GABBR1: variants seen among roughly 807,000 people sequenced by gnomAD.
The protein encoded by GABBR1 is gamma-aminobutyric acid type B receptor subunit 1, also known as GABA-B receptor, R1 subunit.
GABBR1 carries 35 observed loss-of-function variants against 117.7 expected under a neutral mutation model. That is an observed-to-expected ratio of 0.30 (90% CI 0.23 to 0.39). The LOEUF (loss-of-function observed/expected upper bound fraction) is 0.39. Ranked by LOEUF, GABBR1 falls within the 10% of genes least tolerant of loss-of-function variation. GABBR1 has a pLI of 1.00. For synonymous variants in GABBR1, 442 were observed against 486.6 expected, an observed-to-expected ratio of 0.91 and a Z score of 1.21; for missense variants, 709 against 1,241.8, an observed-to-expected ratio of 0.57 and a Z score of 6.45.
In GABBR1 at chr6:29,623,619, A is replaced by T. The variant is rs1763979420; in HGVS notation, c.793-144T>A. The T allele has an allele frequency of 1.7e-5, 14 of 839,634 alleles. No homozygotes were observed. The South Asian group carries it at 2.4e-4, about 15-fold the overall frequency. 52.0% of individuals were successfully genotyped at this position (839,634 alleles called of 1,614,324 possible). A position where few individuals can be genotyped will look rare whatever the true frequency, so the allele number is the denominator to read the frequency against. On this transcript the variant is annotated intron_variant, in intron 7 of 22. Coordinates refer to ENST00000377034, the MANE Select transcript of GABBR1 (RefSeq NM_001470.4). This position sits in a 1 kb window ranked among gnomAD's most constrained non-coding sequence, Gnocchi z 6.2. Reference sequence around the variant, plus strand: ...CTCCCCACCTCTGGTCTGCCTAAGGAAAAGAGATTCTCAAAGGCCCACACA... The same window carrying T: ...CTCCCCACCTCTGGTCTGCCTAAGGTAAAGAGATTCTCAAAGGCCCACACA...
rs906987567 is a variant in GABBR1 at position 29,607,577 on chromosome 6, A to T, written c.1993-359T>A. ...ACAACATGCTCCCATCCACCTGTCC[A>T]GCTAGGCTCATCTCCCAGCCCCACA... On this transcript the variant is annotated intron_variant, in intron 16 of 22. Transcript: ENST00000377034. The surrounding 1 kb of genome is among the most constrained non-coding windows in gnomAD (Gnocchi z 5.0). Among the ~76,000 whole-genome samples the T allele has an allele frequency of 1.3e-5, 2 of 152,188 alleles. No homozygotes were observed. The highest frequency in any genetic ancestry group is 1.3e-4 in the Admixed American group (2 of 15,284).
At chr6:29,625,766 G>A (rs909928906) in intron 6 of GABBR1, among the ~76,000 whole-genome samples, 2 of 152,094 alleles carry the variant, frequency 1.3e-5, no homozygotes, top group Admixed American at 6.5e-5. Flanking sequence ...CTCACAGCCA[G>A]GCCTCCCCTA....
In GABBR1 at chr6:29,606,232, A is replaced by T; in HGVS notation, c.2311+159T>A. 1 of 649,632 alleles carries T rather than the reference A, an allele frequency of 1.5e-6. No individual in the cohort carries two copies. Among genetic ancestry groups the T allele is most frequent in the South Asian group, 1.8e-5 (1 of 54,340 alleles). The allele number at this position is 649,632 out of a possible 1,614,324, so 40.2% of individuals were successfully genotyped here. A position where few individuals can be genotyped will look rare whatever the true frequency, so the allele number is the denominator to read the frequency against. The stretch of plus-strand genomic sequence containing the variant: ...AAAAGAGCAACTCTCCCCTATTCTC[A>T]GAAAAGATTAGTGCAATAACAAAGA... On this transcript the variant is annotated intron_variant, in intron 19 of 22. Transcript: ENST00000377034. The surrounding 1 kb of genome is among the most constrained non-coding windows in gnomAD (Gnocchi z 4.5).
Position 29,603,127 on chromosome 6 carries a change from G to A in GABBR1, c.*416C>T, listed in dbSNP as rs1761545866. 1 of 466,126 alleles carries A rather than the reference G, an allele frequency of 2.1e-6. No homozygotes were observed. The highest frequency in any genetic ancestry group is 2.0e-5 in the African/African-American group (1 of 50,438). The allele number at this position is 466,126 out of a possible 1,614,324, so 28.9% of individuals were successfully genotyped here. A position where few individuals can be genotyped will look rare whatever the true frequency, so the allele number is the denominator to read the frequency against. On this transcript the variant is annotated 3_prime_UTR_variant, in exon 23 of 23. Coordinates refer to ENST00000377034, the MANE Select transcript of GABBR1 (RefSeq NM_001470.4). The stretch of plus-strand genomic sequence containing the variant: ...AGAAAAGGAGAGGCCCCTTTGGGGT[G>A]GAAAGAGCACTTGTTGGGAGACCCC...
At chr6:29,616,194 T>C (rs1433064969) in intron 11 of GABBR1, among the ~76,000 whole-genome samples, 1 of 142,104 alleles carries the variant, frequency 7.0e-6, no homozygotes, top group East Asian at 2.1e-4. Context: ...AGAATGAAAC[T>C]CTGTCTCAAA....
intron 4 of GABBR1, chr6:29,629,361 G>A: frequency 1.5e-6 from 1 of 650,328 alleles, no homozygotes; most frequent in Non-Finnish European, 2.8e-6. Flanking sequence ...CTAAGTTTGG[G>A]GCAGATCTTG....
intron 13 of GABBR1, among the ~76,000 whole-genome samples, chr6:29,612,134 T>TC (rs2127407204): frequency 1.3e-5 from 2 of 151,974 alleles, no homozygotes; most frequent in South Asian, 4.2e-4. Flanking sequence ...CCCAAGTAGC[T>TC]GGGACTACAG....
In GABBR1 at chr6:29,621,599, G is replaced by A. The variant is rs1335543209; in HGVS notation, c.1131+153C>T. Among the ~76,000 whole-genome samples the A allele has an allele frequency of 1.3e-5, 2 of 151,750 alleles. No individual in the cohort carries two copies. Among genetic ancestry groups the A allele is most frequent in the Non-Finnish European group, 1.5e-5 (1 of 67,984 alleles). ...AAGTATCATGTGTGTGCAGACAAGG[G>A]ATGCAGTCAGAGCCAACAGACAGAG... is the stretch of plus-strand genomic sequence containing the variant. On this transcript the variant is annotated intron_variant, in intron 10 of 22. Transcript: ENST00000377034. The surrounding 1 kb of genome is among the most constrained non-coding windows in gnomAD (Gnocchi z 5.0).
chr6:29,616,983 T>TAAAAAA (rs28383952), intron 11 of GABBR1, among the ~76,000 whole-genome samples: 1 of 71,676 alleles, frequency 1.4e-5, no homozygotes, highest in Non-Finnish European at 2.9e-5. Flanking sequence ...CCGTCTCTAC[T>TAAAAAA]AAAAAAAAAA....
In GABBR1 at chr6:29,616,942, T is replaced by C. The variant is rs1351985425; in HGVS notation, c.1324-3457A>G. Among the ~76,000 whole-genome samples, 5 of 126,426 alleles carry C rather than the reference T, an allele frequency of 4.0e-5. No individual in the cohort carries two copies. The East Asian group carries it at 9.0e-4, about 23-fold the overall frequency. The allele number at this position is 126,426 out of a possible 152,430, so 82.9% of individuals were successfully genotyped here. A position where few individuals can be genotyped will look rare whatever the true frequency, so the allele number is the denominator to read the frequency against. The stretch of plus-strand genomic sequence containing the variant: ...GCGGGCGGATCACGAGGTCAGGAGA[T>C]CGAGACCATCCTGGCTAACACGGTG... On this transcript the variant is annotated intron_variant, in intron 11 of 22. Transcript: ENST00000377034.
chr6:29,606,499 A>C lies in GABBR1; in HGVS notation c.2218-15T>G, dbSNP rs769941057. The C allele has an allele frequency of 1.3e-6, 2 of 1,573,012 alleles. No homozygotes were observed. Among genetic ancestry groups the C allele is most frequent in the East Asian group, 4.5e-5 (2 of 44,666 alleles). On this transcript the variant is annotated splice_polypyrimidine_tract_variant and intron_variant, in intron 18 of 22. Transcript: ENST00000377034. This position sits in a 1 kb window ranked among gnomAD's most constrained non-coding sequence, Gnocchi z 4.5. The stretch of plus-strand genomic sequence containing the variant: ...TTGGCAAATGTCTAGGGCAGAAACA[A>C]GGTCACAAGAAAGATGGTTGCCAGC...
chr6:29,616,989 A>T (rs975585706), intron 11 of GABBR1, among the ~76,000 whole-genome samples: 2 of 139,260 alleles, frequency 1.4e-5, no homozygotes, highest in Non-Finnish European at 3.3e-5. Flanking sequence ...CTACTAAAAA[A>T]AAAAAAAAAA....
rs531624447 is a variant in GABBR1 at position 29,621,696 on chromosome 6, A to G, written c.1131+56T>C. 3.3e-6 allele frequency: 5 copies of G among 1,514,256 alleles called. No individual in the cohort carries two copies. Among genetic ancestry groups the G allele is most frequent in the Admixed American group, 3.4e-5 (2 of 59,674 alleles). The allele number at this position is 1,514,256 out of a possible 1,614,324, so 93.8% of individuals were successfully genotyped here. A position where few individuals can be genotyped will look rare whatever the true frequency, so the allele number is the denominator to read the frequency against. The stretch of plus-strand genomic sequence containing the variant: ...ACAGATGCCAAGAGGAGGCCCCACA[A>G]GAAAACCAAGGGAAACTCCCACCCA... On this transcript the variant is annotated intron_variant, in intron 10 of 22. Transcript: ENST00000377034. This position sits in a 1 kb window ranked among gnomAD's most constrained non-coding sequence, Gnocchi z 5.0.
In GABBR1 at chr6:29,632,603, G is replaced by A. The variant is rs1373758207; in HGVS notation, c.1-218C>T. 8.5e-6 allele frequency: 10 copies of A among 1,178,788 alleles called. No homozygotes were observed. The African/African-American group carries it at 1.3e-4, about 15-fold the overall frequency. 73.0% of individuals were successfully genotyped at this position (1,178,788 alleles called of 1,614,324 possible). On this transcript the variant is annotated intron_variant, in intron 1 of 22. Coordinates refer to ENST00000377034, the MANE Select transcript of GABBR1 (RefSeq NM_001470.4). This position sits in a 1 kb window ranked among gnomAD's most constrained non-coding sequence, Gnocchi z 5.8. The stretch of plus-strand genomic sequence containing the variant: ...TCCCCACCCTCCTCCTGCCTCCCTC[G>A]GCCCCCAACCCTCCCGGGACTCCAC...
intron 13 of GABBR1, 72 bp downstream of exon 13, chr6:29,612,479 T>C (rs1762647640): frequency 7.5e-7 from 1 of 1,331,542 alleles, no homozygotes; most frequent in African/African-American, 1.4e-5. Flanking sequence ...TCTGGCATTC[T>C]TCCCCAGGGG....
In GABBR1 at chr6:29,605,911, C is replaced by T. The variant is rs540949469; in HGVS notation, c.2312-215G>A. On this transcript the variant is annotated intron_variant, in intron 19 of 22. Transcript: ENST00000377034. This position sits in a 1 kb window ranked among gnomAD's most constrained non-coding sequence, Gnocchi z 4.2. Reference sequence around the variant, plus strand: ...ACATCACTTTTTCCTGGGATTCACACAGGAAAGCAATGGTGGCAAGCTGCT... The same window carrying T: ...ACATCACTTTTTCCTGGGATTCACATAGGAAAGCAATGGTGGCAAGCTGCT... The T allele has an allele frequency of 3.4e-6, 2 of 595,424 alleles. No homozygotes were observed. Among genetic ancestry groups the T allele is most frequent in the East Asian group, 5.6e-5 (2 of 35,712 alleles). The allele number at this position is 595,424 out of a possible 1,614,324, so 36.9% of individuals were successfully genotyped here.
chr6:29,625,298 C>G (rs1299409009), intron 6 of GABBR1, among the ~76,000 whole-genome samples: 2 of 152,156 alleles, frequency 1.3e-5, no homozygotes, highest in African/African-American at 4.8e-5. Flanking sequence ...ATCTATTACT[C>G]CAGATCCTGC....
Position 29,629,090 on chromosome 6 carries a change from AGT to A in GABBR1, c.491_492del (p.His164LeufsTer37). ...KPHCQVNRTP[H>X]SERRAVYIGA... ...CGGTAAGGGTTTCTCATCTCACCTG[AGT>A]GTGGCGTTCGATTCACTGGCAGCAG... On this transcript the variant is annotated frameshift_variant, in exon 5 of 23. Coordinates refer to ENST00000377034, the MANE Select transcript of GABBR1 (RefSeq NM_001470.4). LOFTEE classifies it high-confidence loss of function. 6.2e-7 allele frequency: 1 copy of A among 1,612,858 alleles called. No individual in the cohort carries two copies. The highest frequency in any genetic ancestry group is 8.5e-7 in the Non-Finnish European group (1 of 1,179,992).
Position 29,613,328 on chromosome 6 carries a change from C to G in GABBR1, c.1481G>C (p.Arg494Pro). Residue 494 changes from arginine (R) to proline (P), a missense_variant, in exon 12 of 23, where the codon CGC becomes CCC. Physicochemically the swap from Arg to Pro is moderately radical, Grantham distance 103 (BLOSUM62 -2). Around this residue, in one of 9 missense-constraint regions of GABBR1, gnomAD observed 38 missense variants for 47.7 expected, o/e 0.80. Coordinates refer to ENST00000377034, the MANE Select transcript of GABBR1 (RefSeq NM_001470.4). The surrounding 1 kb of genome is among the most constrained non-coding windows in gnomAD (Gnocchi z 4.1). ...TSGGGGRSGV[R>P]LEDFNYNNQT... Reference sequence around the variant, plus strand: ...GTTGTTGTAGTTGAAGTCCTCCAGGCGCACACCAGAACGGCCGCCTCCTCC... The same window carrying G: ...GTTGTTGTAGTTGAAGTCCTCCAGGGGCACACCAGAACGGCCGCCTCCTCC... The G allele has an allele frequency of 6.2e-7, 1 of 1,613,066 alleles. No individual in the cohort carries two copies. The highest frequency in any genetic ancestry group is 8.5e-7 in the Non-Finnish European group (1 of 1,180,026).
Sources: gnomAD v4.1 joint callset for allele counts (sites outside exome capture counted in the v4.1 genomes callset) on GRCh38, gnomAD v4.1.1 for gene constraint, gnomAD v4.1.1 regional missense constraint, Gnocchi (gnomAD v3.1) non-coding constraint, MANE v1.5 for transcripts, NCBI Gene and HGNC (gene_info 2026-07-23, HGNC 2026-07-21) for gene names.